The following NIPAL1 variants were observed in gnomAD, a reference collection of about 807,000 sequenced individuals.
The protein encoded by NIPAL1 is NIPA like domain containing 1, also known as magnesium transporter NIPA3.
In NIPAL1, 35 loss-of-function variants were observed where a neutral mutation model predicts 37.7. The ratio of observed to expected loss-of-function variants is 0.93; its 90% CI spans 0.71 to 1.23. The LOEUF is 1.23. Ranked by LOEUF, NIPAL1 falls within the 50% of genes most tolerant of loss-of-function variation. The pLI is 0.00. For missense variants in NIPAL1, 412 were observed against 473.9 expected (o/e 0.87, Z 1.21); for synonymous variants, 162 against 183.0 (o/e 0.89, Z 0.93).
In NIPAL1 at chr4:48,037,544, A is replaced by G. The variant is rs895512892; in HGVS notation, c.*1372A>G. ...CCACAGACTGTTTGGAAGCAACTAG[A>G]AAAATCTTTGTGAAAAATCTGAACA... On this transcript the variant is annotated 3_prime_UTR_variant, in exon 6 of 6. Transcript: ENST00000295461. 6.3e-6 allele frequency: 1 copy of G among 158,256 alleles called. No individual in the cohort carries two copies. The highest frequency in any genetic ancestry group is 1.4e-5 in the Non-Finnish European group (1 of 71,738). The allele number at this position is 158,256 out of a possible 1,614,324, so 9.8% of individuals were successfully genotyped here.
At chr4:48,033,490 C>G (rs899925739) in intron 4 of NIPAL1, among the ~76,000 whole-genome samples, 17 of 152,122 alleles carry the variant, frequency 1.1e-4, no homozygotes, top group Non-Finnish European at 4.4e-5. Flanking sequence ...TTTTAAATCT[C>G]TCATCAGAAC....
At chr4:48,029,946 A>G (rs558530791) in intron 2 of NIPAL1, among the ~76,000 whole-genome samples, 174 bp from the exon 3 acceptor site, 5 of 152,236 alleles carry the variant, frequency 3.3e-5, no homozygotes, top group African/African-American at 1.2e-4. Flanking sequence ...AAATTGGGGG[A>G]AAAAAAGCTT....
chr4:48,021,410 G>T (rs960892606), intron 1 of NIPAL1, among the ~76,000 whole-genome samples: 1 of 152,158 alleles, frequency 6.6e-6, no homozygotes, highest in Admixed American at 6.5e-5. Flanking sequence ...TTAAAGGTGT[G>T]TGTATGTAAA....
intron 1 of NIPAL1, among the ~76,000 whole-genome samples, chr4:48,023,146 G>T (rs1159540433): frequency 1.3e-5 from 2 of 151,976 alleles, no homozygotes; most frequent in African/African-American, 2.4e-5. Flanking sequence ...CGGGGCTCAA[G>T]CAAACCTCTA....
chr4:48,024,579 C>A (rs532848279), intron 1 of NIPAL1, among the ~76,000 whole-genome samples: 1 of 152,216 alleles, frequency 6.6e-6, no homozygotes, highest in Middle Eastern at 3.2e-3. Flanking sequence ...CCATGCCCAG[C>A]GAACAGATTT....
rs1715970959 is a variant in NIPAL1 at position 48,037,127 on chromosome 4, AC to A, written c.*958del. On this transcript the variant is annotated 3_prime_UTR_variant, in exon 6 of 6. Transcript: ENST00000295461. ...GGGCTAGAATACACAAGACATACCC[AC>A]CCATGAAGAGTTTATGAATTGTAAC... 2 of 232,708 alleles carry A rather than the reference AC, an allele frequency of 8.6e-6. No homozygotes were observed. The highest frequency in any genetic ancestry group is 1.8e-5 in the Non-Finnish European group (2 of 113,760). 14.4% of individuals were successfully genotyped at this position (232,708 alleles called of 1,614,324 possible).
In NIPAL1 at chr4:48,023,457, G is replaced by T. The variant is rs548859634; in HGVS notation, c.47-1611G>T. ...TCAAACTGCCTCTTGTTGCTTATAT[G>T]CCTTCTTAAGATTTTTGAAATGTAA... On this transcript the variant is annotated intron_variant, in intron 1 of 5. Coordinates refer to ENST00000295461, the MANE Select transcript of NIPAL1 (RefSeq NM_207330.3). Among the ~76,000 whole-genome samples, 58 of 152,190 alleles carry T rather than the reference G, an allele frequency of 3.8e-4. No individual in the cohort carries two copies. The South Asian group carries it at 0.012, about 31-fold the overall frequency.
At chr4:48,030,797 A>G (rs1715803859) in intron 3 of NIPAL1, among the ~76,000 whole-genome samples, 1 of 152,180 alleles carries the variant, frequency 6.6e-6, no homozygotes, top group South Asian at 2.1e-4. Context: ...CTCCCCACTA[A>G]GTGAAATTTC....
chr4:48,032,453 G>A (rs1182754560), intron 3 of NIPAL1, among the ~76,000 whole-genome samples: 2 of 152,180 alleles, frequency 1.3e-5, no homozygotes, highest in African/African-American at 4.8e-5. Context: ...CCTGGATCTC[G>A]TTAAGCTACT....
At chr4:48,029,975 G>T (rs984302023) in intron 2 of NIPAL1, 145 bp from the exon 3 acceptor site, 1 of 506,612 alleles carries the variant, frequency 2.0e-6, no homozygotes, top group Non-Finnish European at 3.6e-6. Context: ...CTTTGGAAAT[G>T]ACCAAGTAAA....
Position 48,025,319 on chromosome 4 carries a change from G to A in NIPAL1, c.298G>A (p.Gly100Ser), listed in dbSNP as rs1715664950. 6.2e-7 allele frequency: 1 copy of A among 1,613,898 alleles called. No individual in the cohort carries two copies. Among genetic ancestry groups the A allele is most frequent in the East Asian group, 2.2e-5 (1 of 44,888 alleles). The stretch of plus-strand genomic sequence containing the variant: ...GGGCCTCTTGCAACTGGCCAGCAAG[G>A]GCTTTACTAGAGCTGGTAAGAAACA... Reference protein sequence around the residue: ...KKGLLQLASKGFTRAGQGGHS... With the variant: ...KKGLLQLASKSFTRAGQGGHS... Residue 100 changes from glycine (G) to serine (S), a missense_variant, in exon 2 of 6, where the codon GGC becomes AGC. By Grantham distance (56) the Gly-to-Ser change is moderately conservative. Coordinates refer to ENST00000295461, the MANE Select transcript of NIPAL1 (RefSeq NM_207330.3).
rs369618779 is a variant in NIPAL1 at position 48,033,014 on chromosome 4, A to G, written c.392A>G (p.Asn131Ser). The change falls in exon 4 of 6, where the codon AAT becomes AGT. Residue 131 changes from asparagine to serine, a missense_variant. Transcript: ENST00000295461. Reference sequence around the variant, plus strand: ...CTAGTGGGAGCAGGAGAGGCTGCAAATTTTGCTGCTTATGCTTTTGCACCT... The same window carrying G: ...CTAGTGGGAGCAGGAGAGGCTGCAAGTTTTGCTGCTTATGCTTTTGCACCT... ...LLSMGAGEAANFAAYAFAPAT... is the reference protein window; with the variant it reads ...LLSMGAGEAASFAAYAFAPAT... 15 of 1,613,766 alleles carry G rather than the reference A, an allele frequency of 9.3e-6. No individual in the cohort carries two copies. In the African/African-American group the frequency reaches 2.0e-4, roughly 22 times the overall value.
chr4:48,017,020 A>C (rs985110421), intron 1 of NIPAL1, 135 bp downstream of exon 1: 1 of 726,928 alleles, frequency 1.4e-6, no homozygotes. Context: ...TCATTCATTC[A>C]TTCAGTCAGT....
At chr4:48,018,351 C>A (rs1418237987) in intron 1 of NIPAL1, among the ~76,000 whole-genome samples, 1 of 152,192 alleles carries the variant, frequency 6.6e-6, no homozygotes, top group Non-Finnish European at 1.5e-5. Flanking sequence ...TCCTGCTTTG[C>A]TTATGCATTG....
chr4:48,032,591 G>T (rs1365954879), intron 3 of NIPAL1, among the ~76,000 whole-genome samples: 1 of 152,140 alleles, frequency 6.6e-6, no homozygotes, highest in African/African-American at 2.4e-5. Context: ...TTCCAAGCTG[G>T]TTTTGGTTTC....
chr4:48,037,300 C>T lies in NIPAL1; in HGVS notation c.*1128C>T, dbSNP rs1178092547. The T allele has an allele frequency of 2.3e-6, 1 of 429,066 alleles. No individual in the cohort carries two copies. The allele number at this position is 429,066 out of a possible 1,614,324, so 26.6% of individuals were successfully genotyped here. A position where few individuals can be genotyped will look rare whatever the true frequency, so the allele number is the denominator to read the frequency against. ...ACAGGTTCCATTAATTAACTCAGGT[C>T]TGGAAGACATAGGACAAAATGGAGT... On this transcript the variant is annotated 3_prime_UTR_variant, in exon 6 of 6. Coordinates refer to ENST00000295461, the MANE Select transcript of NIPAL1 (RefSeq NM_207330.3).
In NIPAL1 at chr4:48,025,317, A is replaced by G. The variant is rs779885145; in HGVS notation, c.296A>G (p.Lys99Arg). Residue 99 changes from lysine to arginine, a missense_variant, in exon 2 of 6, where the codon AAG becomes AGG. Lys to Arg is a conservative substitution (Grantham distance 26, BLOSUM62 2). Coordinates refer to ENST00000295461, the MANE Select transcript of NIPAL1 (RefSeq NM_207330.3). ...AAGGGCCTCTTGCAACTGGCCAGCA[A>G]GGGCTTTACTAGAGCTGGTAAGAAA... ...KKKGLLQLASKGFTRAGQGGH... is the reference protein window; with the variant it reads ...KKKGLLQLASRGFTRAGQGGH... 4 of 1,614,140 alleles carry G rather than the reference A, an allele frequency of 2.5e-6. No homozygotes were observed. Among genetic ancestry groups the G allele is most frequent in the South Asian group, 1.1e-5 (1 of 91,056 alleles).
chr4:48,034,874 C>A lies in NIPAL1; in HGVS notation c.462-7C>A. On this transcript the variant is annotated splice_polypyrimidine_tract_variant and splice_region_variant and intron_variant, in intron 4 of 5. Transcript: ENST00000295461. The stretch of plus-strand genomic sequence containing the variant: ...ATAGTGATTTTTAATTTTTTCTCTC[C>A]CAACAGTGCAATATTATCTTCCTAC... 1 of 1,607,920 alleles carries A rather than the reference C, an allele frequency of 6.2e-7. No individual in the cohort carries two copies. Among genetic ancestry groups the A allele is most frequent in the Non-Finnish European group, 8.5e-7 (1 of 1,176,230 alleles).
At chr4:48,030,676 G>T (rs1357204089) in intron 3 of NIPAL1, among the ~76,000 whole-genome samples, 1 of 152,202 alleles carries the variant, frequency 6.6e-6, no homozygotes, top group African/African-American at 2.4e-5. Flanking sequence ...CAGACCTGCT[G>T]TGAGGATTAA....
Sources: gnomAD v4.1 joint callset for allele counts (sites outside exome capture counted in the v4.1 genomes callset) on GRCh38, gnomAD v4.1.1 for gene constraint, MANE v1.5 for transcripts, NCBI Gene and HGNC (gene_info 2026-07-23, HGNC 2026-07-21) for gene names.